Variants in IMMP2L observed in about 807,000 individuals in gnomAD.
IMMP2L encodes mitochondrial inner membrane protease subunit 2.
IMMP2L carries 18 observed loss-of-function variants against 19.3 expected under a neutral mutation model. That is an observed-to-expected ratio of 0.93 (90% confidence interval 0.64 to 1.38). The LOEUF (loss-of-function observed/expected upper bound fraction) is 1.38. Among genes scored for constraint, IMMP2L ranks in the 40% most tolerant of loss-of-function variants. The pLI is 0.00. For missense variants in IMMP2L, 233 were observed against 218.2 expected, an observed-to-expected ratio of 1.07 and a Z score of -0.43; for synonymous variants, 76 against 73.0, an observed-to-expected ratio of 1.04 and a Z score of -0.21.
At chr7:111,095,124 A>T (rs572519695) in intron 3 of IMMP2L, among the ~76,000 whole-genome samples, 1 of 152,138 alleles carries the variant, frequency 6.6e-6, no homozygotes, top group East Asian at 1.9e-4. Flanking sequence ...AACACATGAC[A>T]CAGCTTCAGG....
At chr7:110,733,669 T>A (rs998998320) in intron 5 of IMMP2L, among the ~76,000 whole-genome samples, 1 of 152,132 alleles carries the variant, frequency 6.6e-6, no homozygotes, top group African/African-American at 2.4e-5. Flanking sequence ...AAACTTAATC[T>A]CCAATGCAAC....
chr7:110,929,383 A>G lies in IMMP2L; in HGVS notation c.305+34117T>C, dbSNP rs147251181. ...TCCGTTTGAGAAAGTAAGGTCTCCTATGATCTTTGGCATCAATAGAAACTC... is the reference window on the plus strand; with the variant it reads ...TCCGTTTGAGAAAGTAAGGTCTCCTGTGATCTTTGGCATCAATAGAAACTC... On this transcript the variant is annotated intron_variant, in intron 4 of 5. Transcript: ENST00000405709. 2.3e-4 allele frequency among the ~76,000 whole-genome samples: 35 copies of G among 152,288 alleles called. 1 individual carries two copies. The East Asian group carries it at 5.4e-3, about 24-fold the overall frequency.
At chr7:110,740,494 TACA>T (rs1796924494) in intron 5 of IMMP2L, among the ~76,000 whole-genome samples, 1 of 152,058 alleles carries the variant, frequency 6.6e-6, no homozygotes, top group Non-Finnish European at 1.5e-5. Flanking sequence ...CCTGGAAATA[TACA>T]ACCCTCCTAG....
chr7:111,269,758 T>A (rs1228224056), intron 3 of IMMP2L, among the ~76,000 whole-genome samples: 1 of 152,088 alleles, frequency 6.6e-6, no homozygotes, highest in Non-Finnish European at 1.5e-5. Context: ...CAGTATCCTA[T>A]CTAAAAGAAG....
chr7:111,076,343 A>C (rs2129575862), intron 3 of IMMP2L, among the ~76,000 whole-genome samples: 1 of 152,326 alleles, frequency 6.6e-6, no homozygotes, highest in African/African-American at 2.4e-5. Context: ...GCCCCTGAGT[A>C]CTACTTGCAC....
intron 3 of IMMP2L, among the ~76,000 whole-genome samples, chr7:111,183,100 C>T (rs1428894457): frequency 6.6e-6 from 1 of 151,948 alleles, no homozygotes; most frequent in African/African-American, 2.4e-5. Flanking sequence ...GTGATTGTGT[C>T]TAAACCAAAA....
intron 3 of IMMP2L, among the ~76,000 whole-genome samples, chr7:111,197,263 C>A (rs534830614): frequency 6.0e-4 from 91 of 152,116 alleles, no homozygotes; most frequent in African/African-American, 2.0e-3. Flanking sequence ...GAGATGGATA[C>A]CATCCTGGCT....
In IMMP2L at chr7:110,772,567, G is replaced by A. The variant is rs1377244908; in HGVS notation, c.409-108846C>T. 4.6e-5 allele frequency among the ~76,000 whole-genome samples: 7 copies of A among 152,270 alleles called. 1 individual carries two copies. Among genetic ancestry groups the A allele is most frequent in the African/African-American group, 1.7e-4 (7 of 41,568 alleles). ...GAGCCCCTTCAATGAGTGTGATGCT[G>A]AGGAGTGGGCAAATCCTCTCTTGAA... On this transcript the variant is annotated intron_variant, in intron 5 of 5. Coordinates refer to ENST00000405709, the MANE Select transcript of IMMP2L (RefSeq NM_032549.4).
At chr7:110,733,418 T>C (rs977242267) in intron 5 of IMMP2L, among the ~76,000 whole-genome samples, 2 of 151,444 alleles carry the variant, frequency 1.3e-5, no homozygotes, top group South Asian at 4.2e-4. Flanking sequence ...AAAATTTAGT[T>C]GCAACACTCT....
chr7:111,417,128 G>C (rs1476312468), intron 3 of IMMP2L, among the ~76,000 whole-genome samples: 1 of 151,734 alleles, frequency 6.6e-6, no homozygotes, highest in Non-Finnish European at 1.5e-5. Context: ...TTATTTGACA[G>C]AGTTGAGTTT....
intron 3 of IMMP2L, among the ~76,000 whole-genome samples, chr7:111,184,775 G>GTGTA (rs1372940303): frequency 6.6e-6 from 1 of 151,812 alleles, no homozygotes; most frequent in Non-Finnish European, 1.5e-5. Context: ...AAAAGTGTGT[G>GTGTA]TGTGTGTGCA....
chr7:110,858,772 G>A (rs976271808), intron 5 of IMMP2L, among the ~76,000 whole-genome samples: 1 of 150,994 alleles, frequency 6.6e-6, no homozygotes, highest in Non-Finnish European at 1.5e-5. Context: ...CCCCACAACA[G>A]TCCCCAGAGT....
At chr7:110,833,454 A>AG (rs1804155778) in intron 5 of IMMP2L, among the ~76,000 whole-genome samples, 1 of 136,954 alleles carries the variant, frequency 7.3e-6, no homozygotes, top group South Asian at 2.1e-4. Context: ...AAAAAAAAAA[A>AG]AAGAGAGAGA....
chr7:110,737,413 T>G (rs1796708757), intron 5 of IMMP2L, among the ~76,000 whole-genome samples: 1 of 152,114 alleles, frequency 6.6e-6, no homozygotes, highest in Non-Finnish European at 1.5e-5. Context: ...CTGGCTTTCC[T>G]CCACTTCCCT....
At chr7:111,002,694 C>T (rs1823840305) in intron 3 of IMMP2L, among the ~76,000 whole-genome samples, 1 of 152,112 alleles carries the variant, frequency 6.6e-6, no homozygotes, top group African/African-American at 2.4e-5. Flanking sequence ...ATGTTTCCAC[C>T]ACCCTGATCA....
chr7:111,298,641 A>G (rs888183126), intron 3 of IMMP2L, among the ~76,000 whole-genome samples: 24 of 151,762 alleles, frequency 1.6e-4, no homozygotes, highest in African/African-American at 5.8e-4. Context: ...CTGTAGTTCC[A>G]GGTACTCAGG....
chr7:111,468,002 A>G (rs571166308), intron 3 of IMMP2L, among the ~76,000 whole-genome samples: 2 of 152,282 alleles, frequency 1.3e-5, no homozygotes, highest in South Asian at 4.1e-4. Context: ...CTCATCTCAA[A>G]TACGCTAGGA....
At chr7:111,514,740 T>C (rs972211592) in intron 2 of IMMP2L, among the ~76,000 whole-genome samples, 2 of 152,122 alleles carry the variant, frequency 1.3e-5, no homozygotes, top group African/African-American at 4.8e-5. Context: ...ATAGCCAATC[T>C]TGTTTCATCT....
intron 3 of IMMP2L, among the ~76,000 whole-genome samples, chr7:111,428,885 G>A (rs906033774): frequency 3.3e-5 from 5 of 151,648 alleles, no homozygotes; most frequent in African/African-American, 1.2e-4. Context: ...AGCTCCATAA[G>A]TACTTACAAA....
Sources: allele counts gnomAD v4.1 joint callset (sites outside exome capture counted in the v4.1 genomes callset), GRCh38; gene constraint gnomAD v4.1.1; transcripts MANE v1.5; gene names NCBI Gene and HGNC (gene_info 2026-07-23, HGNC 2026-07-21).